Variants in DTL observed in about 807,000 individuals in gnomAD.
DTL encodes the protein denticleless E3 ubiquitin protein ligase adapter, also known as denticleless protein homolog.
Under a neutral mutation model 87.0 loss-of-function variants are expected in DTL, and 46 were observed. The ratio of observed to expected loss-of-function variants is 0.53; its 90% CI spans 0.42 to 0.68. DTL has a LOEUF of 0.68. Among genes scored for constraint, DTL ranks in the 30% least tolerant of loss-of-function variants. The probability of loss-of-function intolerance (pLI) is 0.00; values close to 1 mark genes in which losing one functional copy is unlikely to be tolerated. For missense variants in DTL, 737 were observed against 869.4 expected, an observed-to-expected ratio of 0.85 and a Z score of 1.91; for synonymous variants, 308 against 311.2, an observed-to-expected ratio of 0.99 and a Z score of 0.11.
At chr1:212,081,580 T>C (rs937740584) in intron 13 of DTL, among the ~76,000 whole-genome samples, 1 of 152,214 alleles carries the variant, frequency 6.6e-6, no homozygotes, top group Non-Finnish European at 1.5e-5. Context: ...AAAAAGCTAC[T>C]TTTAAAAAGC....
intron 13 of DTL, among the ~76,000 whole-genome samples, chr1:212,084,096 G>A (rs989518547): frequency 6.8e-4 from 103 of 152,152 alleles, no homozygotes; most frequent in African/African-American, 2.4e-3. Context: ...ATAAGATGCA[G>A]AACTAGACTT....
intron 6 of DTL, among the ~76,000 whole-genome samples, chr1:212,063,949 G>A (rs1039568274): frequency 6.7e-5 from 10 of 148,942 alleles, no homozygotes; most frequent in African/African-American, 2.2e-4. Context: ...CTGGAGTGCA[G>A]TGGCGTGATC....
intron 13 of DTL, among the ~76,000 whole-genome samples, chr1:212,087,375 C>T (rs892398422): frequency 3.3e-5 from 5 of 151,860 alleles, no homozygotes; most frequent in South Asian, 4.1e-4. Flanking sequence ...GGTGAAACCC[C>T]GTCTCTACTA....
At chr1:212,087,927 CTT>C (rs911119556) in intron 13 of DTL, among the ~76,000 whole-genome samples, 66 of 152,302 alleles carry the variant, frequency 4.3e-4, no homozygotes, top group African/African-American at 1.5e-3. Flanking sequence ...GACATAGCCT[CTT>C]TTTCTCCTGC....
intron 1 of DTL, among the ~76,000 whole-genome samples, chr1:212,041,516 G>C (rs375130588): frequency 1.3e-3 from 150 of 117,012 alleles, no homozygotes; most frequent in African/African-American, 4.8e-3. Context: ...GCGGGGGGGT[G>C]GGGGGTGGGG....
At chr1:212,088,384 A>G (rs1655189550) in intron 13 of DTL, among the ~76,000 whole-genome samples, 1 of 152,210 alleles carries the variant, frequency 6.6e-6, no homozygotes, top group Admixed American at 6.5e-5. Flanking sequence ...TACGCACTAT[A>G]GGGGCACTGG....
chr1:212,097,479 A>G (rs969007948), intron 13 of DTL, among the ~76,000 whole-genome samples: 1 of 152,028 alleles, frequency 6.6e-6, no homozygotes, highest in African/African-American at 2.4e-5. Context: ...TTGAGCTCCA[A>G]AATTCTTTCT....
chr1:212,042,601 G>A (rs1477741891), intron 1 of DTL, among the ~76,000 whole-genome samples: 1 of 152,206 alleles, frequency 6.6e-6, no homozygotes, highest in African/African-American at 2.4e-5. Flanking sequence ...ATTGGATTTT[G>A]TATGATGTTC....
chr1:212,076,723 A>C lies in DTL; in HGVS notation c.1036-1450A>C, dbSNP rs561424905. 6.6e-5 allele frequency among the ~76,000 whole-genome samples: 10 copies of C among 152,320 alleles called. No homozygotes were observed. In the East Asian group the frequency reaches 1.9e-3, roughly 29 times the overall value. ...ACTTAATCGACTGGGGCCATCCCAA[A>C]CAGAGGAGGAAAGGAAAATTTCTGT... On this transcript the variant is annotated intron_variant, in intron 11 of 14. Coordinates refer to ENST00000366991, the MANE Select transcript of DTL (RefSeq NM_016448.4).
intron 1 of DTL, among the ~76,000 whole-genome samples, chr1:212,039,390 T>A (rs1028818383): frequency 6.6e-6 from 1 of 152,206 alleles, no homozygotes; most frequent in Non-Finnish European, 1.5e-5. Flanking sequence ...AAATATTTGA[T>A]ACCCAAAAGT....
Position 212,068,720 on chromosome 1 carries a change from T to C in DTL, c.922+17T>C, listed in dbSNP as rs375048503. ...CTTCTCCAGGTAAGATATTAGTCAT[T>C]CAAATTCTCTTACCAGGAAAGCATT... is the stretch of plus-strand genomic sequence containing the variant. On this transcript the variant is annotated intron_variant, in intron 10 of 14. Transcript: ENST00000366991. 11 of 1,489,248 alleles carry C rather than the reference T, an allele frequency of 7.4e-6. No homozygotes were observed. Among genetic ancestry groups the C allele is most frequent in the Non-Finnish European group, 1.0e-5 (11 of 1,074,340 alleles). The allele number at this position is 1,489,248 out of a possible 1,614,324, so 92.3% of individuals were successfully genotyped here.
intron 10 of DTL, 81 bp from the exon 11 acceptor site, chr1:212,072,020 T>A (rs1461848550): frequency 1.0e-6 from 1 of 974,216 alleles, no homozygotes; most frequent in Non-Finnish European, 1.6e-6. Context: ...ATAAAACTTG[T>A]TAGAATATAT....
At chr1:212,064,541 C>T (rs1053250521) in intron 6 of DTL, among the ~76,000 whole-genome samples, 1 of 152,210 alleles carries the variant, frequency 6.6e-6, no homozygotes, top group African/African-American at 2.4e-5. Context: ...CTACCTCCCT[C>T]TAAGCCCTGG....
rs1479772804 is a variant in DTL, at chr1:212,060,021, G to A, written c.461-2863G>A. On this transcript the variant is annotated intron_variant, in intron 5 of 14. Transcript: ENST00000366991. ...AAGTATGAAACCGATCAAAGAAATT[G>A]AAGAGGAGACAAATGGAAAGAGACC... 5.9e-5 allele frequency among the ~76,000 whole-genome samples: 9 copies of A among 152,246 alleles called. No homozygotes were observed. The Middle Eastern group carries it at 0.01, about 173-fold the overall frequency.
chr1:212,072,249 G>A (rs1467612494), intron 11 of DTL, 36 bp downstream of exon 11: 3 of 1,469,738 alleles, frequency 2.0e-6, no homozygotes, highest in Non-Finnish European at 2.9e-6. Flanking sequence ...GTGTTAGACT[G>A]AAGTATTCTT....
intron 3 of DTL, among the ~76,000 whole-genome samples, chr1:212,045,204 CATG>C (rs1328584942): frequency 6.6e-6 from 1 of 152,170 alleles, no homozygotes; most frequent in African/African-American, 2.4e-5. Context: ...TAAATTATAA[CATG>C]AGATTTGGGA....
chr1:212,064,224 A>G lies in DTL; in HGVS notation c.527-693A>G, dbSNP rs370709046. ...TTTAATAAACCTTATTTTGTAGAGC[A>G]GTTTTAGGTTCACAGCAAAACTGAG... On this transcript the variant is annotated intron_variant, in intron 6 of 14. Coordinates refer to ENST00000366991, the MANE Select transcript of DTL (RefSeq NM_016448.4). Among the ~76,000 whole-genome samples the G allele has an allele frequency of 5.3e-5, 8 of 152,186 alleles. No homozygotes were observed. The East Asian group carries it at 5.8e-4, about 11-fold the overall frequency.
chr1:212,099,061 TC>T (rs747364075), intron 13 of DTL, among the ~76,000 whole-genome samples: 32 of 152,300 alleles, frequency 2.1e-4, no homozygotes, highest in Non-Finnish European at 4.0e-4. Context: ...AGAAATGGTT[TC>T]CCTGGGGACC....
chr1:212,047,502 C>T (rs1217995117), intron 5 of DTL, 85 bp downstream of exon 5: 2 of 1,539,474 alleles, frequency 1.3e-6, no homozygotes, highest in Non-Finnish European at 8.9e-7. Context: ...TACCCTTTCC[C>T]CTGTCAAAGT....
Sources: gnomAD v4.1 joint callset for allele counts (sites outside exome capture counted in the v4.1 genomes callset) on GRCh38, gnomAD v4.1.1 for gene constraint, MANE v1.5 for transcripts, NCBI Gene and HGNC (gene_info 2026-07-23, HGNC 2026-07-21) for gene names.